The following LPCAT2 variants were observed in gnomAD, a reference collection of about 807,000 sequenced individuals.
LPCAT2 encodes the protein lysophosphatidylcholine acyltransferase 2, also known as 1-AGP acyltransferase 11.
A neutral mutation model predicts 64.7 loss-of-function variants in LPCAT2; 58 were observed. The observed-to-expected ratio is 0.90, with a 90% CI of 0.73 to 1.12. LPCAT2 has a LOEUF of 1.12. Ranked by LOEUF, LPCAT2 falls within the 50% of genes most tolerant of loss-of-function variation. The pLI is 0.00. For missense variants in LPCAT2, 579 were observed against 669.8 expected, an observed-to-expected ratio of 0.86 and a Z score of 1.50; for synonymous variants, 252 against 245.3, an observed-to-expected ratio of 1.03 and a Z score of -0.26.
intron 13 of LPCAT2, among the ~76,000 whole-genome samples, chr16:55,581,221 T>C (rs1963884107): frequency 6.6e-6 from 1 of 152,202 alleles, no homozygotes; most frequent in Non-Finnish European, 1.5e-5. Context: ...TCATGCTCAC[T>C]TATCTTCAAA....
intron 3 of LPCAT2, among the ~76,000 whole-genome samples, chr16:55,529,180 A>G (rs1386491095): frequency 1.3e-5 from 2 of 152,026 alleles, no homozygotes; most frequent in African/African-American, 4.8e-5. Flanking sequence ...CCAAGTAACT[A>G]CTCCCTGTTG....
chr16:55,532,774 A>C, intron 5 of LPCAT2, 50 bp from the exon 6 acceptor site: 18 of 1,270,368 alleles, frequency 1.4e-5, no homozygotes, highest in Non-Finnish European at 2.1e-5. Flanking sequence ...CTTTATCATA[A>C]AACTTTTATT....
chr16:55,524,031 T>C (rs1486649692), intron 1 of LPCAT2, among the ~76,000 whole-genome samples: 3 of 151,838 alleles, frequency 2.0e-5, no homozygotes, highest in Non-Finnish European at 3.0e-5. Context: ...AAACTGGTGG[T>C]TTATTATAAA....
In LPCAT2 at chr16:55,513,491, T is replaced by C. The variant is rs1430636974; in HGVS notation, c.171+4139T>C. Among the ~76,000 whole-genome samples the C allele has an allele frequency of 2.7e-5, 4 of 149,024 alleles. No homozygotes were observed. In the East Asian group the frequency reaches 7.9e-4, roughly 29 times the overall value. ...TGATGAAGTAAAGGCCTCTGAAAAT[T>C]ATCTTCTCTATAAAAGCAATGAAAA... is the stretch of plus-strand genomic sequence containing the variant. On this transcript the variant is annotated intron_variant, in intron 1 of 13. Coordinates refer to ENST00000262134, the MANE Select transcript of LPCAT2 (RefSeq NM_017839.5).
rs757201362 is a variant in LPCAT2, at chr16:55,528,514, T to C, written c.449T>C (p.Phe150Ser). The change falls in exon 3 of 14, where the codon TTT becomes TCT. Residue 150 changes from phenylalanine (F) to serine (S), a missense_variant. Coordinates refer to ENST00000262134, the MANE Select transcript of LPCAT2 (RefSeq NM_017839.5). ...VFVAAPHSTF[F>S]DGIACVVAGL... The stretch of plus-strand genomic sequence containing the variant: ...GTTGCTGCCCCTCATTCAACATTCT[T>C]TGATGGAATTGCCTGTGTTGTAGCT... The C allele has an allele frequency of 3.1e-6, 5 of 1,614,074 alleles. No homozygotes were observed. The highest frequency in any genetic ancestry group is 2.2e-5 in the South Asian group (2 of 91,080).
chr16:55,510,871 T>A (rs1480447359), intron 1 of LPCAT2, among the ~76,000 whole-genome samples: 1 of 152,218 alleles, frequency 6.6e-6, no homozygotes, highest in Non-Finnish European at 1.5e-5. Flanking sequence ...TGACTTCATA[T>A]TTTGGAAAGA....
intron 10 of LPCAT2, 119 bp downstream of exon 10, chr16:55,549,521 G>T: frequency 9.9e-7 from 1 of 1,008,968 alleles, no homozygotes; most frequent in Non-Finnish European, 1.4e-6. Context: ...GTGTATATTA[G>T]GAAAGTCAGA....
intron 1 of LPCAT2, among the ~76,000 whole-genome samples, chr16:55,518,271 G>A (rs1305276267): frequency 6.6e-6 from 1 of 151,500 alleles, no homozygotes; most frequent in Non-Finnish European, 1.5e-5. Flanking sequence ...AGAAATTAGA[G>A]ACGACTTAAA....
chr16:55,566,862 A>C, intron 11 of LPCAT2: 1 of 1,613,894 alleles, frequency 6.2e-7, no homozygotes, highest in Non-Finnish European at 8.5e-7. Context: ...AGGAGGAAGA[A>C]ATATTGGAGG....
chr16:55,510,672 G>GA (rs748706389), intron 1 of LPCAT2, among the ~76,000 whole-genome samples: 46 of 152,156 alleles, frequency 3.0e-4, no homozygotes, highest in Non-Finnish European at 5.9e-4. Flanking sequence ...AGAAGATAAA[G>GA]AATGTAGTAA....
chr16:55,547,629 C>G (rs1456203764), intron 9 of LPCAT2, among the ~76,000 whole-genome samples: 1 of 152,188 alleles, frequency 6.6e-6, no homozygotes, highest in African/African-American at 2.4e-5. Flanking sequence ...AAAGCCCAAG[C>G]TGTTAACTAT....
At position 55,584,415 on chromosome 16, in the gene LPCAT2, C is replaced by T. The variant is rs1183737229; in HGVS notation, c.*1317C>T. On this transcript the variant is annotated 3_prime_UTR_variant, in exon 14 of 14. Transcript: ENST00000262134. ...CACAATTTAAGCCCCAGGCAGGAAT[C>T]CAACAGTAACATTTTTCCTTTAGGT... 2.0e-5 allele frequency: 3 copies of T among 152,148 alleles called. No individual in the cohort carries two copies. The highest frequency in any genetic ancestry group is 3.8e-4 in the East Asian group (2 of 5,196). The allele number at this position is 152,148 out of a possible 1,614,324, so 9.4% of individuals were successfully genotyped here.
rs566755755 is a variant in LPCAT2 at position 55,585,139 on chromosome 16, A to G, written c.*2041A>G. ...AATGTGATATTTCTATTTTGTGATT[A>G]TGTTACTGAATAAACAAACTTGCTA... On this transcript the variant is annotated 3_prime_UTR_variant, in exon 14 of 14. Coordinates refer to ENST00000262134, the MANE Select transcript of LPCAT2 (RefSeq NM_017839.5). The G allele has an allele frequency of 6.6e-6, 1 of 152,162 alleles. No individual in the cohort carries two copies. The highest frequency in any genetic ancestry group is 2.1e-4 in the South Asian group (1 of 4,834). The allele number at this position is 152,162 out of a possible 1,614,324, so 9.4% of individuals were successfully genotyped here. A position where few individuals can be genotyped will look rare whatever the true frequency, so the allele number is the denominator to read the frequency against.
intron 2 of LPCAT2, 89 bp from the exon 3 acceptor site, chr16:55,528,288 G>A (rs1187527489): frequency 5.5e-6 from 5 of 904,332 alleles, no homozygotes; most frequent in Non-Finnish European, 8.5e-6. Context: ...ACTCTGACAT[G>A]TTTTGGTTTT....
intron 11 of LPCAT2, among the ~76,000 whole-genome samples, chr16:55,553,463 G>A (rs1963541237): frequency 6.6e-6 from 1 of 152,144 alleles, no homozygotes; most frequent in African/African-American, 2.4e-5. Flanking sequence ...TCATCTATGA[G>A]AAGCATCTTA....
intron 2 of LPCAT2, among the ~76,000 whole-genome samples, chr16:55,526,253 T>C (rs1270340640): frequency 3.3e-5 from 5 of 152,154 alleles, no homozygotes; most frequent in Non-Finnish European, 5.9e-5. Context: ...GAGAAACTGA[T>C]CATGAGTTGA....
rs1210153675 is a variant in LPCAT2, at chr16:55,549,306, C to T, written c.965C>T (p.Thr322Ile). ...CTGGGAATACCAGTAACAGATCATA[C>T]CTATGAAGACTGCAGATTGATGATT... ...EALGIPVTDH[T>I]YEDCRLMISA... The change falls in exon 10 of 14, where the codon ACC becomes ATC. Residue 322 changes from threonine to isoleucine, a missense_variant. Transcript: ENST00000262134. 1 of 1,600,346 alleles carries T rather than the reference C, an allele frequency of 6.2e-7. No homozygotes were observed. The highest frequency in any genetic ancestry group is 8.5e-7 in the Non-Finnish European group (1 of 1,174,112).
intron 1 of LPCAT2, among the ~76,000 whole-genome samples, chr16:55,511,428 A>G (rs907590823): frequency 1.3e-5 from 2 of 152,244 alleles, no homozygotes; most frequent in Non-Finnish European, 2.9e-5. Context: ...CTTTCATTTA[A>G]GTATGACTTA....
At chr16:55,522,318 T>C (rs1186314791) in intron 1 of LPCAT2, among the ~76,000 whole-genome samples, 3 of 151,650 alleles carry the variant, frequency 2.0e-5, no homozygotes, top group African/African-American at 7.2e-5. Flanking sequence ...AAAATATTGC[T>C]GTGAGAAATT....
Sources: allele counts gnomAD v4.1 joint callset (sites outside exome capture counted in the v4.1 genomes callset), GRCh38; gene constraint gnomAD v4.1.1; transcripts MANE v1.5; gene names NCBI Gene and HGNC (gene_info 2026-07-23, HGNC 2026-07-21).